Variants in PABPC4L observed in about 807,000 individuals in gnomAD.
PABPC4L encodes the protein poly(A) binding protein cytoplasmic 4 like.
For synonymous variants in PABPC4L, 169 were observed against 164.1 expected (o/e 1.03, Z -0.23); for missense variants, 452 against 451.4 (o/e 1.00, Z -0.01).
the PABPC4L span, among the ~76,000 whole-genome samples, chr4:134,017,286 G>A: frequency 1.3e-5 from 2 of 151,996 alleles, no homozygotes; most frequent in African/African-American, 2.4e-5. Flanking sequence ...CAGAATTCAG[G>A]CCTGTCCTCG....
At chr4:134,052,198 G>A in the PABPC4L span, among the ~76,000 whole-genome samples, 2 of 151,872 alleles carry the variant, frequency 1.3e-5, no homozygotes, top group African/African-American at 2.4e-5. Context: ...TTTCAAAGTA[G>A]GTTGTTCATT....
At chr4:134,063,037 C>A in the PABPC4L span, among the ~76,000 whole-genome samples, 1 of 152,140 alleles carries the variant, frequency 6.6e-6, no homozygotes, top group South Asian at 2.1e-4. Flanking sequence ...ACTAGACAAG[C>A]CAGACAAAAT....
the PABPC4L span, among the ~76,000 whole-genome samples, chr4:134,119,605 T>C: frequency 6.6e-6 from 1 of 151,646 alleles, no homozygotes; most frequent in Non-Finnish European, 1.5e-5. Context: ...AGAAGAAAAG[T>C]ACACAAATCT....
the PABPC4L span, among the ~76,000 whole-genome samples, chr4:133,993,864 T>C: frequency 9.3e-6 from 1 of 107,752 alleles, no homozygotes; most frequent in Admixed American, 9.0e-5. Context: ...GATCTAGCAG[T>C]TGCTGAAGTA....
the PABPC4L span, among the ~76,000 whole-genome samples, chr4:134,136,588 T>C: frequency 6.6e-6 from 1 of 152,074 alleles, no homozygotes; most frequent in African/African-American, 2.4e-5. Context: ...TTTAGGATTC[T>C]TTTTAGATAT....
the PABPC4L span, among the ~76,000 whole-genome samples, chr4:134,113,032 C>T: frequency 6.6e-6 from 1 of 151,132 alleles, no homozygotes; most frequent in South Asian, 2.1e-4. Flanking sequence ...AAAACAAAAA[C>T]AAATTGAAAA....
At chr4:133,991,140 A>C in the PABPC4L span, among the ~76,000 whole-genome samples, 1 of 152,204 alleles carries the variant, frequency 6.6e-6, no homozygotes, top group Admixed American at 6.5e-5. Context: ...TAAGACAAAC[A>C]TGAGTATAAT....
the PABPC4L span, among the ~76,000 whole-genome samples, chr4:134,137,231 C>CA: frequency 1.9e-4 from 29 of 151,860 alleles, no homozygotes; most frequent in East Asian, 5.4e-3. Flanking sequence ...TAATTCTTAA[C>CA]AAAAAATGAA....
chr4:133,984,796 G>T, the PABPC4L span, among the ~76,000 whole-genome samples: 5 of 151,932 alleles, frequency 3.3e-5, no homozygotes, highest in Admixed American at 6.6e-5. Flanking sequence ...AAATGACAGC[G>T]AGATTAGAGA....
chr4:133,972,973 G>A, the PABPC4L span, among the ~76,000 whole-genome samples: 1 of 152,248 alleles, frequency 6.6e-6, no homozygotes, highest in South Asian at 2.1e-4. Context: ...TCAGAAACAT[G>A]CTGAGTGCCA....
chr4:134,025,765 A>G, the PABPC4L span, among the ~76,000 whole-genome samples: 1 of 152,150 alleles, frequency 6.6e-6, no homozygotes, highest in Admixed American at 6.6e-5. Context: ...AATTTAATGT[A>G]GTAATCTGTT....
chr4:134,013,239 C>A, the PABPC4L span, among the ~76,000 whole-genome samples: 12 of 151,874 alleles, frequency 7.9e-5, no homozygotes, highest in African/African-American at 2.7e-4. Context: ...GGAACCCCGA[C>A]CTCTTATCTC....
At chr4:134,162,205 A>G in the PABPC4L span, among the ~76,000 whole-genome samples, 1 of 152,142 alleles carries the variant, frequency 6.6e-6, no homozygotes, top group African/African-American at 2.4e-5. Context: ...AAAAGGGATA[A>G]CAAAATGACA....
At chr4:133,961,822 C>T in the PABPC4L span, among the ~76,000 whole-genome samples, 19,674 of 152,098 alleles carry the variant, frequency 0.13, 2,701 homozygotes, top group East Asian at 0.49. Context: ...TGTCCATTGC[C>T]GCTCCCAATC....
the PABPC4L span, among the ~76,000 whole-genome samples, chr4:134,082,798 TCC>T: frequency 6.6e-6 from 1 of 152,008 alleles, no homozygotes; most frequent in Non-Finnish European, 1.5e-5. Context: ...TTTGATAAGA[TCC>T]TACTGAAAAA....
the PABPC4L span, among the ~76,000 whole-genome samples, chr4:134,123,472 T>C: frequency 6.6e-6 from 1 of 152,180 alleles, no homozygotes; most frequent in Admixed American, 6.6e-5. Context: ...GTGACTCAAG[T>C]GTTTGGTGCA....
At chr4:133,980,680 G>A in the PABPC4L span, among the ~76,000 whole-genome samples, 1 of 152,082 alleles carries the variant, frequency 6.6e-6, no homozygotes, top group Non-Finnish European at 1.5e-5. Flanking sequence ...CTTCCTTGAG[G>A]TTAATCAAAC....
chr4:133,976,474 C>G, the PABPC4L span, among the ~76,000 whole-genome samples: 1 of 151,798 alleles, frequency 6.6e-6, no homozygotes, highest in African/African-American at 2.4e-5. Flanking sequence ...CGGTTTATAC[C>G]CAGTAAGGGG....
chr4:134,034,683 G>A, the PABPC4L span, among the ~76,000 whole-genome samples: 1 of 151,932 alleles, frequency 6.6e-6, no homozygotes, highest in African/African-American at 2.4e-5. Context: ...GAAACAGTAA[G>A]AGAACTAGAA....
Sources: gnomAD v4.1 joint callset for allele counts (sites outside exome capture counted in the v4.1 genomes callset) on GRCh38, gnomAD v4.1.1 for gene constraint, MANE v1.5 for transcripts, NCBI Gene and HGNC (gene_info 2026-07-23, HGNC 2026-07-21) for gene names.